Variants in GABRB1 observed in about 807,000 individuals in gnomAD.
The protein encoded by GABRB1 is gamma-aminobutyric acid type A receptor subunit beta1.
In GABRB1, 17 loss-of-function variants were observed where a neutral mutation model predicts 51.6. The ratio of observed to expected loss-of-function variants is 0.33; its 90% CI spans 0.23 to 0.49. The LOEUF is 0.49. Ranked by LOEUF, GABRB1 falls within the 20% of genes least tolerant of loss-of-function variation. GABRB1 has a pLI of 0.99. For synonymous variants in GABRB1, 247 were observed against 218.9 expected (o/e 1.13, Z -1.14); for missense variants, 410 against 600.6 (o/e 0.68, Z 3.32).
intron 3 of GABRB1, among the ~76,000 whole-genome samples, chr4:47,059,036 T>C (rs1726738487): frequency 6.6e-6 from 1 of 152,188 alleles, no homozygotes; most frequent in African/African-American, 2.4e-5. Flanking sequence ...AATGTCAAAT[T>C]TTGCATCTAA....
At chr4:47,007,895 A>AT (rs375965914) in intron 1 of GABRB1, among the ~76,000 whole-genome samples, 215 of 17,536 alleles carry the variant, frequency 0.012, 9 homozygotes, top group East Asian at 0.076. Flanking sequence ...TATATATATA[A>AT]AATCAAGTTT....
chr4:47,290,124 G>C (rs1302866522), intron 4 of GABRB1, among the ~76,000 whole-genome samples: 1 of 152,232 alleles, frequency 6.6e-6, no homozygotes, highest in East Asian at 1.9e-4. Context: ...ATGAAATGCA[G>C]TTGTGGACTG....
intron 5 of GABRB1, among the ~76,000 whole-genome samples, chr4:47,367,122 A>T (rs1017478222): frequency 6.6e-6 from 1 of 152,162 alleles, no homozygotes; most frequent in Admixed American, 6.5e-5. Context: ...CTCTCTGCTT[A>T]TCTGAGCACT....
intron 3 of GABRB1, among the ~76,000 whole-genome samples, chr4:47,119,662 C>A (rs913809975): frequency 6.6e-6 from 1 of 152,060 alleles, no homozygotes; most frequent in Non-Finnish European, 1.5e-5. Flanking sequence ...GCATGCACCA[C>A]CACACCCAGC....
intron 4 of GABRB1, among the ~76,000 whole-genome samples, chr4:47,174,682 A>G (rs1198308698): frequency 2.0e-5 from 3 of 151,946 alleles, no homozygotes; most frequent in African/African-American, 7.3e-5. Context: ...AACTCAAGGT[A>G]TTTTTCGCTT....
At chr4:47,400,200 A>T (rs867451221) in intron 5 of GABRB1, among the ~76,000 whole-genome samples, 7 of 151,536 alleles carry the variant, frequency 4.6e-5, no homozygotes, top group East Asian at 1.9e-4. Context: ...TCATATATTT[A>T]AAAAAAAACC....
At chr4:47,311,377 A>G (rs1223931071) in intron 4 of GABRB1, among the ~76,000 whole-genome samples, 1 of 129,588 alleles carries the variant, frequency 7.7e-6, no homozygotes, top group Non-Finnish European at 1.6e-5. Flanking sequence ...GTGCCACTGC[A>G]CTCCAGCCTG....
chr4:47,044,143 C>T (rs184062843), intron 3 of GABRB1, among the ~76,000 whole-genome samples: 79 of 152,166 alleles, frequency 5.2e-4, no homozygotes, highest in Non-Finnish European at 9.7e-4. Flanking sequence ...CTGACAGTGA[C>T]GCCTAATAAT....
intron 3 of GABRB1, among the ~76,000 whole-genome samples, chr4:47,095,435 A>C (rs1271162233): frequency 2.6e-5 from 4 of 152,180 alleles, no homozygotes; most frequent in Non-Finnish European, 5.9e-5. Flanking sequence ...AATAATGGCT[A>C]CGTCTGCGAA....
intron 3 of GABRB1, among the ~76,000 whole-genome samples, chr4:47,038,444 T>G (rs929750399): frequency 1.3e-5 from 2 of 152,230 alleles, no homozygotes; most frequent in African/African-American, 4.8e-5. Context: ...ATTATTTCTA[T>G]GTGGAGCTGT....
At chr4:47,094,146 C>T (rs144974621) in intron 3 of GABRB1, among the ~76,000 whole-genome samples, 29 of 151,122 alleles carry the variant, frequency 1.9e-4, no homozygotes, top group African/African-American at 1.2e-4. Context: ...TTGGAAAAAA[C>T]GGTAGGGAAC....
chr4:47,257,099 C>A (rs573097810), intron 4 of GABRB1, among the ~76,000 whole-genome samples: 1 of 152,128 alleles, frequency 6.6e-6, no homozygotes, highest in Non-Finnish European at 1.5e-5. Context: ...ATGGAAGAAC[C>A]TGGTAGAAGA....
chr4:47,125,708 A>G (rs1039452441), intron 3 of GABRB1, among the ~76,000 whole-genome samples: 4 of 147,630 alleles, frequency 2.7e-5, no homozygotes, highest in Admixed American at 1.4e-4. Context: ...GGCGCCTGCC[A>G]CTACGCCCGG....
intron 4 of GABRB1, among the ~76,000 whole-genome samples, chr4:47,279,910 T>C (rs565260313): frequency 2.0e-5 from 3 of 151,628 alleles, no homozygotes; most frequent in Non-Finnish European, 2.9e-5. Flanking sequence ...GTAGGCAGCG[T>C]ATATTTGGGT....
At chr4:47,390,950 G>A (rs1293845322) in intron 5 of GABRB1, among the ~76,000 whole-genome samples, 1 of 152,100 alleles carries the variant, frequency 6.6e-6, no homozygotes, top group African/African-American at 2.4e-5. Context: ...GGCCGAGGGG[G>A]ACGGGTCATG....
intron 4 of GABRB1, among the ~76,000 whole-genome samples, chr4:47,162,082 C>T (rs895084339): frequency 2.6e-5 from 4 of 151,930 alleles, no homozygotes; most frequent in African/African-American, 9.7e-5. Flanking sequence ...GAAATTTTTT[C>T]ACTCTTTCTG....
intron 4 of GABRB1, among the ~76,000 whole-genome samples, chr4:47,180,083 T>TA (rs1718880674): frequency 6.6e-6 from 1 of 151,608 alleles, no homozygotes; most frequent in Admixed American, 6.6e-5. Flanking sequence ...TTTGAACAGA[T>TA]ACACAAAATA....
chr4:47,425,519 TCG>T (rs1437285309), intron 8 of GABRB1, among the ~76,000 whole-genome samples, 153 bp from the exon 9 acceptor site: 96 of 148,624 alleles, frequency 6.5e-4, no homozygotes, highest in African/African-American at 1.6e-3. Context: ...GATAGATAGA[TCG>T]ATCGATCTAT....
At chr4:47,087,121 CAG>C (rs796556993) in intron 3 of GABRB1, among the ~76,000 whole-genome samples, 3 of 152,290 alleles carry the variant, frequency 2.0e-5, no homozygotes, top group African/African-American at 7.2e-5. Context: ...TAATTCTCCT[CAG>C]AGAGTTTATA....
Sources: allele counts gnomAD v4.1 joint callset (sites outside exome capture counted in the v4.1 genomes callset), GRCh38; gene constraint gnomAD v4.1.1; transcripts MANE v1.5; gene names NCBI Gene and HGNC (gene_info 2026-07-23, HGNC 2026-07-21).